The following UBTD2 variants were observed in gnomAD, a reference collection of about 807,000 sequenced individuals.
The protein encoded by UBTD2 is ubiquitin domain containing 2, also known as ubiquitin domain-containing protein 2.
UBTD2 carries 9 observed loss-of-function variants against 19.8 expected under a neutral mutation model. The observed-to-expected ratio is 0.46, with a 90% CI of 0.27 to 0.79. The LOEUF is 0.79. UBTD2 is among the 30% of genes least tolerant of loss of function. The pLI is 0.14. For missense variants in UBTD2, 250 were observed against 300.4 expected (o/e 0.83, Z 1.24); for synonymous variants, 98 against 103.9 (o/e 0.94, Z 0.35).
At chr5:172,213,420 A>G (rs924084509) in intron 2 of UBTD2, among the ~76,000 whole-genome samples, 6 of 152,206 alleles carry the variant, frequency 3.9e-5, no homozygotes, top group African/African-American at 7.2e-5. Flanking sequence ...TAGTAAAATT[A>G]CCACAGAAAT....
At chr5:172,228,149 G>A (rs1438162409) in intron 2 of UBTD2, among the ~76,000 whole-genome samples, 4 of 152,128 alleles carry the variant, frequency 2.6e-5, no homozygotes, top group Non-Finnish European at 5.9e-5. Context: ...CTATTTTGAA[G>A]TATTCTATAT....
intron 1 of UBTD2, among the ~76,000 whole-genome samples, chr5:172,268,883 G>C (rs546310877): frequency 1.3e-5 from 2 of 152,244 alleles, no homozygotes; most frequent in African/African-American, 4.8e-5. Context: ...GACATTTTGA[G>C]GACAATTAAG....
intron 2 of UBTD2, among the ~76,000 whole-genome samples, chr5:172,222,165 AACTG>A (rs768113540): frequency 2.6e-5 from 4 of 152,240 alleles, no homozygotes; most frequent in African/African-American, 4.8e-5. Flanking sequence ...TGTAGTCCAT[AACTG>A]ACTATTACTG....
chr5:172,233,923 G>A (rs983870867), intron 2 of UBTD2, among the ~76,000 whole-genome samples, 199 bp downstream of exon 2: 9 of 151,782 alleles, frequency 5.9e-5, no homozygotes, highest in Admixed American at 2.6e-4. Flanking sequence ...AAATATATAC[G>A]TATACACAAA....
chr5:172,218,030 C>G (rs76439379), intron 2 of UBTD2, among the ~76,000 whole-genome samples: 2,127 of 152,288 alleles, frequency 0.014, 39 homozygotes, highest in African/African-American at 0.048. Context: ...CCAACAATAG[C>G]AAACTACACA....
rs370023635 is a variant in UBTD2, at chr5:172,212,081, A to T, written c.454T>A (p.Cys152Ser). ...PEPPPNSGYECQLRLRLSTGK... is the reference protein window; with the variant it reads ...PEPPPNSGYESQLRLRLSTGK... ...GTGGAAAGGCGCAAACGAAGCTGAC[A>T]TTCATATCCAGAATTGGGTGGTGGC... Residue 152 changes from cysteine (C) to serine (S), a missense_variant, in exon 3 of 3, where the codon TGT becomes AGT. Coordinates refer to ENST00000393792, the MANE Select transcript of UBTD2 (RefSeq NM_152277.3). 1 of 1,614,212 alleles carries T rather than the reference A, an allele frequency of 6.2e-7. No homozygotes were observed. The highest frequency in any genetic ancestry group is 1.1e-5 in the South Asian group (1 of 91,086).
At chr5:172,280,509 C>CAAAAAAA (rs376156166) in intron 1 of UBTD2, among the ~76,000 whole-genome samples, 5 of 95,010 alleles carry the variant, frequency 5.3e-5, no homozygotes, top group Non-Finnish European at 6.2e-5. Flanking sequence ...GACTCCATCT[C>CAAAAAAA]AAAAAAAAAA....
chr5:172,218,804 AAAAAATAAAAAAT>A (rs1469554161), intron 2 of UBTD2, among the ~76,000 whole-genome samples: 10 of 146,120 alleles, frequency 6.8e-5, no homozygotes, highest in African/African-American at 1.6e-4. Context: ...AAAATAAAAA[AAAAAATAAAAAAT>A]AAAAATAAAA....
chr5:172,232,074 C>T (rs1023093860), intron 2 of UBTD2, among the ~76,000 whole-genome samples: 26 of 152,224 alleles, frequency 1.7e-4, no homozygotes, highest in African/African-American at 6.3e-4. Flanking sequence ...AGTTCGAGAC[C>T]AGCTTGGCCA....
chr5:172,259,004 G>C (rs1463570083), intron 1 of UBTD2, among the ~76,000 whole-genome samples: 1 of 152,142 alleles, frequency 6.6e-6, no homozygotes, highest in Non-Finnish European at 1.5e-5. Context: ...TGCTAAGAGT[G>C]GGCATCCTTG....
Position 172,281,311 on chromosome 5 carries a change from C to T in UBTD2, c.70+2285G>A, listed in dbSNP as rs188952921. ...TAACCCAACACATTCAGATTAAAAACACGGCAAAACCCACCTCTACTAAAA... is the reference window on the plus strand; with the variant it reads ...TAACCCAACACATTCAGATTAAAAATACGGCAAAACCCACCTCTACTAAAA... On this transcript the variant is annotated intron_variant, in intron 1 of 2. Transcript: ENST00000393792. Among the ~76,000 whole-genome samples, 53 of 152,294 alleles carry T rather than the reference C, an allele frequency of 3.5e-4. 2 individuals carry two copies. The highest frequency in any genetic ancestry group is 3.5e-3 in the Admixed American group (53 of 15,298).
intron 1 of UBTD2, among the ~76,000 whole-genome samples, chr5:172,260,556 A>C (rs1755246455): frequency 6.6e-6 from 1 of 152,234 alleles, no homozygotes; most frequent in East Asian, 1.9e-4. Context: ...AAAATATAAA[A>C]AACAAAAATA....
At chr5:172,224,063 T>A (rs1771711152) in intron 2 of UBTD2, among the ~76,000 whole-genome samples, 1 of 152,082 alleles carries the variant, frequency 6.6e-6, no homozygotes. Context: ...TTCAGTGGTA[T>A]GAGACTGTCT....
intron 1 of UBTD2, among the ~76,000 whole-genome samples, chr5:172,273,996 T>C (rs565266014): frequency 6.6e-6 from 1 of 152,158 alleles, no homozygotes; most frequent in East Asian, 1.9e-4. Context: ...GCCAAAGTGG[T>C]ATGAAATTTT....
At chr5:172,244,534 A>G (rs571142273) in intron 1 of UBTD2, among the ~76,000 whole-genome samples, 4 of 150,956 alleles carry the variant, frequency 2.6e-5, no homozygotes, top group African/African-American at 9.7e-5. Context: ...CCAACCTTAG[A>G]TGATCCGCCC....
At chr5:172,233,948 C>T (rs545362931) in intron 2 of UBTD2, among the ~76,000 whole-genome samples, 174 bp downstream of exon 2, 1 of 151,868 alleles carries the variant, frequency 6.6e-6, no homozygotes, top group East Asian at 1.9e-4. Flanking sequence ...CAAAGTAAAA[C>T]CTGTCTCCAG....
chr5:172,269,040 A>C (rs1333267546), intron 1 of UBTD2, among the ~76,000 whole-genome samples: 2 of 152,180 alleles, frequency 1.3e-5, no homozygotes, highest in Non-Finnish European at 2.9e-5. Flanking sequence ...ATTCACTTTC[A>C]AACAGTTAAG....
chr5:172,269,560 T>G (rs902537846), intron 1 of UBTD2, among the ~76,000 whole-genome samples: 1 of 151,070 alleles, frequency 6.6e-6, no homozygotes, highest in African/African-American at 2.4e-5. Flanking sequence ...GGTCTATCCA[T>G]CCACTCCTTT....
Position 172,234,267 on chromosome 5 carries a change from C to A in UBTD2, c.162G>T (p.Arg54Ser). The A allele has an allele frequency of 6.2e-7, 1 of 1,614,158 alleles. No homozygotes were observed. Among genetic ancestry groups the A allele is most frequent in the Non-Finnish European group, 8.5e-7 (1 of 1,180,030 alleles). Reference protein sequence around the residue: ...PMTDGQLRSKRDEFWDTAPAF... With the variant: ...PMTDGQLRSKSDEFWDTAPAF... Reference sequence around the variant, plus strand: ...CTGGTGCTGTATCCCAAAATTCATCCCTCTTGCTGCGTAGTTGTCCATCTG... The same window carrying A: ...CTGGTGCTGTATCCCAAAATTCATCACTCTTGCTGCGTAGTTGTCCATCTG... Residue 54 changes from arginine to serine, a missense_variant, in exon 2 of 3, where the codon AGG becomes AGT. By Grantham distance (110) the Arg-to-Ser change is moderately radical. Coordinates refer to ENST00000393792, the MANE Select transcript of UBTD2 (RefSeq NM_152277.3).
Sources: gnomAD v4.1 joint callset for allele counts (sites outside exome capture counted in the v4.1 genomes callset) on GRCh38, gnomAD v4.1.1 for gene constraint, MANE v1.5 for transcripts, NCBI Gene and HGNC (gene_info 2026-07-23, HGNC 2026-07-21) for gene names.